The following POLR1E variants were observed in gnomAD, a reference collection of about 807,000 sequenced individuals.
POLR1E encodes the protein DNA-directed RNA polymerase I subunit RPA49.
POLR1E carries 37 observed loss-of-function variants against 50.9 expected under a neutral mutation model. That is an observed-to-expected ratio of 0.73 (90% CI 0.56 to 0.96). The LOEUF (loss-of-function observed/expected upper bound fraction) is 0.96, where lower values mean the gene tolerates loss of function less well. Ranked by LOEUF, POLR1E falls within the 40% of genes least tolerant of loss-of-function variation. POLR1E has a pLI of 0.00. For synonymous variants in POLR1E, 166 were observed against 191.6 expected (o/e 0.87, Z 1.10); for missense variants, 426 against 518.1 (o/e 0.82, Z 1.73).
intron 9 of POLR1E, 57 bp downstream of exon 9, chr9:37,498,281 A>G: frequency 6.5e-7 from 1 of 1,543,942 alleles, no homozygotes. Flanking sequence ...TTTGTCTGTA[A>G]TTCTTAGATG....
chr9:37,498,081 C>T lies in POLR1E; in HGVS notation c.753-10C>T, dbSNP rs201176320. The T allele has an allele frequency of 4.9e-5, 79 of 1,610,040 alleles. No individual in the cohort carries two copies. Among genetic ancestry groups the T allele is most frequent in the Non-Finnish European group, 4.7e-5 (55 of 1,178,784 alleles). Reference sequence around the variant, plus strand: ...CTGACACAGGCCTCCTTTTCTTTTCCTTGTTTTAGCCATTGCACCTTTGTC... The same window carrying T: ...CTGACACAGGCCTCCTTTTCTTTTCTTTGTTTTAGCCATTGCACCTTTGTC... On this transcript the variant is annotated splice_polypyrimidine_tract_variant and intron_variant, in intron 8 of 11. Coordinates refer to ENST00000377798, the MANE Select transcript of POLR1E (RefSeq NM_022490.4).
rs190268580 is a variant in POLR1E, at chr9:37,498,240, A to G, written c.886+16A>G. 1.3e-4 allele frequency: 205 copies of G among 1,603,720 alleles called. No individual in the cohort carries two copies. The African/African-American group carries it at 2.3e-3, about 18-fold the overall frequency. On this transcript the variant is annotated intron_variant, in intron 9 of 11. Transcript: ENST00000377798. ...AAGCGGAAAAGTAAGTCTATGATAA[A>G]CATTTTATTCTAATTGTTTCCAGTA...
At chr9:37,486,439 G>C in intron 1 of POLR1E, 1 of 1,546,588 alleles carries the variant, frequency 6.5e-7, no homozygotes, top group Non-Finnish European at 8.7e-7. Context: ...GTCACTTTAG[G>C]TATGTACCAG....
At chr9:37,501,929 A>G in intron 11 of POLR1E, 85 bp downstream of exon 11, 1 of 1,391,816 alleles carries the variant, frequency 7.2e-7, no homozygotes, top group Non-Finnish European at 9.7e-7. Context: ...GGCACCACCA[A>G]GGGAACTGAG....
chr9:37,492,487 C>G, intron 4 of POLR1E, 170 bp from the exon 5 acceptor site: 1 of 828,670 alleles, frequency 1.2e-6, no homozygotes, highest in Non-Finnish European at 1.9e-6. Flanking sequence ...TAACTGTATA[C>G]TAAAGCTGCA....
chr9:37,486,864 G>A (rs189343563), intron 2 of POLR1E, 58 bp downstream of exon 2: 2 of 1,542,714 alleles, frequency 1.3e-6, no homozygotes, highest in East Asian at 2.2e-5. Context: ...GCCCCTGGGA[G>A]TGGGTGGATG....
Position 37,485,963 on chromosome 9 carries a change from G to C in POLR1E, c.-85G>C. 6.6e-7 allele frequency: 1 copy of C among 1,519,678 alleles called. No individual in the cohort carries two copies. Among genetic ancestry groups the C allele is most frequent in the South Asian group, 1.2e-5 (1 of 83,366 alleles). The allele number at this position is 1,519,678 out of a possible 1,614,324, so 94.1% of individuals were successfully genotyped here. On this transcript the variant is annotated 5_prime_UTR_variant, in exon 1 of 12. Coordinates refer to ENST00000377798, the MANE Select transcript of POLR1E (RefSeq NM_022490.4). ...GGGGCCACGCCTTTTCCGGCCCGCA[G>C]CGCGGCCTGGGCTCCCGCGTGTTTA...
At chr9:37,491,006 G>A (rs1820672500) in intron 4 of POLR1E, 1 of 284,572 alleles carries the variant, frequency 3.5e-6, no homozygotes, top group Non-Finnish European at 6.8e-6. Context: ...AAAGGAAATT[G>A]CTTATTAAGT....
At chr9:37,498,020 A>G (rs1019763879) in intron 8 of POLR1E, 71 bp from the exon 9 acceptor site, 14 of 1,534,144 alleles carry the variant, frequency 9.1e-6, no homozygotes, top group Non-Finnish European at 1.2e-5. Context: ...TTCTCGTTGT[A>G]AGAGGGAAGT....
chr9:37,495,351 C>T (rs541626761), intron 7 of POLR1E, 75 bp downstream of exon 7: 239 of 1,176,762 alleles, frequency 2.0e-4, no homozygotes, highest in Non-Finnish European at 2.8e-4. Context: ...GTCAGGTTCT[C>T]TGAGGGTGTC....
intron 6 of POLR1E, 70 bp downstream of exon 6, chr9:37,493,773 C>T (rs1316541422): frequency 2.2e-6 from 3 of 1,375,548 alleles, no homozygotes; most frequent in African/African-American, 2.9e-5. Flanking sequence ...AGATCTTTTA[C>T]CCACCCACAC....
chr9:37,494,399 A>C (rs550245912), intron 6 of POLR1E, among the ~76,000 whole-genome samples: 7 of 152,290 alleles, frequency 4.6e-5, no homozygotes, highest in African/African-American at 1.7e-4. Context: ...AAATCTTTCC[A>C]TACCCTATGA....
In POLR1E at chr9:37,503,395, A is replaced by T; in HGVS notation, c.*193A>T. On this transcript the variant is annotated 3_prime_UTR_variant, in exon 12 of 12. Coordinates refer to ENST00000377798, the MANE Select transcript of POLR1E (RefSeq NM_022490.4). ...AGTTTGAAACCAGTCTGGACAACAT[A>T]GGGAGACCCCATCTCTACCGGAGGA... The T allele has an allele frequency of 1.9e-6, 1 of 528,338 alleles. No homozygotes were observed. The highest frequency in any genetic ancestry group is 3.1e-6 in the Non-Finnish European group (1 of 327,080). 32.7% of individuals were successfully genotyped at this position (528,338 alleles called of 1,614,324 possible).
intron 3 of POLR1E, among the ~76,000 whole-genome samples, chr9:37,488,920 G>C (rs1257113358): frequency 1.3e-5 from 2 of 152,118 alleles, no homozygotes; most frequent in African/African-American, 4.8e-5. Flanking sequence ...AGGTGTGTGG[G>C]CAGAGAGAAG....
At chr9:37,497,987 G>A (rs549975784) in intron 8 of POLR1E, 104 bp from the exon 9 acceptor site, 7 of 1,345,368 alleles carry the variant, frequency 5.2e-6, no homozygotes, top group East Asian at 2.4e-5. Flanking sequence ...TGTTGAGTGC[G>A]TCGGGGTGAG....
At position 37,498,123 on chromosome 9, in the gene POLR1E, C is replaced by G. The variant is rs769311954; in HGVS notation, c.785C>G (p.Ser262Cys). The change falls in exon 9 of 12, where the codon TCT (serine) becomes TGT (cysteine). Residue 262 changes from serine (S) to cysteine (C), a missense_variant. Ser to Cys is a moderately radical substitution (Grantham distance 112). Transcript: ENST00000377798. ...ACCTTTGTCATAGAAGCGTTGAAGT[C>G]TTTGCCATCAGATGTGGAGAGCCGA... ...HCTFVIEALKSLPSDVESRDR... is the reference protein window; with the variant it reads ...HCTFVIEALKCLPSDVESRDR... 3 of 1,613,964 alleles carry G rather than the reference C, an allele frequency of 1.9e-6. No homozygotes were observed. Among genetic ancestry groups the G allele is most frequent in the African/African-American group, 1.3e-5 (1 of 74,900 alleles).
At chr9:37,495,059 T>C in intron 6 of POLR1E, 110 bp from the exon 7 acceptor site, 1 of 902,904 alleles carries the variant, frequency 1.1e-6, no homozygotes, top group Non-Finnish European at 1.8e-6. Flanking sequence ...CAGAAGCATT[T>C]AGACTTGGGG....
At chr9:37,489,647 C>T (rs1588799264) in intron 4 of POLR1E, among the ~76,000 whole-genome samples, 1 of 152,044 alleles carries the variant, frequency 6.6e-6, no homozygotes, top group Non-Finnish European at 1.5e-5. Context: ...GATATTGGCT[C>T]GCTGCAACTT....
chr9:37,492,570 G>T, intron 4 of POLR1E, 87 bp from the exon 5 acceptor site: 1 of 1,251,694 alleles, frequency 8.0e-7, no homozygotes, highest in Non-Finnish European at 1.1e-6. Context: ...ATTATTCTTA[G>T]ATAGACAAAT....
Sources: gnomAD v4.1 joint callset for allele counts (sites outside exome capture counted in the v4.1 genomes callset) on GRCh38, gnomAD v4.1.1 for gene constraint, MANE v1.5 for transcripts, NCBI Gene and HGNC (gene_info 2026-07-23, HGNC 2026-07-21) for gene names.